ZNF587B: variants seen among roughly 807,000 people sequenced by gnomAD.
The protein encoded by ZNF587B is zinc finger protein 587B.
A neutral mutation model predicts 7.2 loss-of-function variants in ZNF587B; 6 were observed. That is an observed-to-expected ratio of 0.83 (90% CI 0.46 to 1.65). The LOEUF is 1.65. ZNF587B is among the 40% of genes most tolerant of loss of function. ZNF587B has a pLI of 0.01. For synonymous variants in ZNF587B, 274 were observed against 254.3 expected (o/e 1.08, Z -0.74); for missense variants, 749 against 761.0 (o/e 0.98, Z 0.19).
At chr19:57,838,939 G>A in intron 1 of ZNF587B, 84 bp from the exon 2 acceptor site, 2 of 1,478,476 alleles carry the variant, frequency 1.4e-6, no homozygotes, top group Non-Finnish European at 1.9e-6. Flanking sequence ...AGGAGGATGT[G>A]CGAGAGTAGA....
chr19:57,841,817 T>C lies in ZNF587B; in HGVS notation c.1143T>C (p.Pro381=). 6.2e-7 allele frequency: 1 copy of C among 1,612,080 alleles called. No homozygotes were observed. Among genetic ancestry groups the C allele is most frequent in the Non-Finnish European group, 8.5e-7 (1 of 1,179,326 alleles). ...AGCGCATTCACACTGAAGTAAGACCTTACAAGTGTGGAGAATGTGGGAAAT... is the reference window on the plus strand; with the variant it reads ...AGCGCATTCACACTGAAGTAAGACCCTACAAGTGTGGAGAATGTGGGAAAT... ...YHQRIHTEVR[P]YKCGECGKSY... The change falls in exon 3 of 3, where the codon CCT becomes CCC. Residue 381 remains proline (P), a synonymous_variant. Coordinates refer to ENST00000594901, the MANE Select transcript of ZNF587B (RefSeq NM_001376223.1).
chr19:57,842,291 T>G lies in ZNF587B; in HGVS notation c.1617T>G (p.Val539=). The part of the protein sequence containing the change: ...KSFTHSCAFI[V]HKRVHTGQKP... ...TTACCCACAGCTGTGCATTCATTGT[T>G]CATAAGAGAGTTCACACTGGTCAGA... is the stretch of plus-strand genomic sequence containing the variant. The change falls in exon 3 of 3, where the codon GTT becomes GTG. Residue 539 remains valine (V), a synonymous_variant. Transcript: ENST00000594901. 6.2e-7 allele frequency: 1 copy of G among 1,612,584 alleles called. No homozygotes were observed. The highest frequency in any genetic ancestry group is 8.5e-7 in the Non-Finnish European group (1 of 1,179,204).
chr19:57,842,499 A>G lies in ZNF587B; in HGVS notation c.1825A>G (p.Ser609Gly). ...CACTGGAGAAAAGCCTTATGGGTGT[A>G]GTGAATGTGAAAAAAAATTTAGGAA... ...VHTGEKPYGCSECEKKFRKSS... is the reference protein window; with the variant it reads ...VHTGEKPYGCGECEKKFRKSS... The change falls in exon 3 of 3, where the codon AGT becomes GGT. Residue 609 changes from serine (S) to glycine (G), a missense_variant. Transcript: ENST00000594901. The G allele has an allele frequency of 1.9e-6, 3 of 1,569,274 alleles. No individual in the cohort carries two copies. Among genetic ancestry groups the G allele is most frequent in the Non-Finnish European group, 2.6e-6 (3 of 1,164,802 alleles).
intron 1 of ZNF587B, 124 bp from the exon 2 acceptor site, chr19:57,838,899 C>T: frequency 3.7e-6 from 5 of 1,369,848 alleles, no homozygotes; most frequent in Non-Finnish European, 5.0e-6. Flanking sequence ...ACCAGTGGGC[C>T]TAGTTTCTCC....
chr19:57,842,549 G>T lies in ZNF587B; in HGVS notation c.1875G>T (p.Gln625His), dbSNP rs1426086154. Residue 625 changes from glutamine to histidine, a missense_variant, in exon 3 of 3, where the codon CAG becomes CAT. Coordinates refer to ENST00000594901, the MANE Select transcript of ZNF587B (RefSeq NM_001376223.1). ...AAAGCTCTTCACTTCGTTACCATCA[G>T]AGAGTTCATGAAAGAAAGGCCTTAT... is the stretch of plus-strand genomic sequence containing the variant. ...FRKSSSLRYH[Q>H]RVHERKAL is the part of the protein sequence containing the mutation. 1 of 1,532,914 alleles carries T rather than the reference G, an allele frequency of 6.5e-7. No individual in the cohort carries two copies. The highest frequency in any genetic ancestry group is 2.2e-5 in the Admixed American group (1 of 45,988). The allele number at this position is 1,532,914 out of a possible 1,614,324, so 95.0% of individuals were successfully genotyped here.
chr19:57,835,937 T>C (rs1245719155), intron 1 of ZNF587B, among the ~76,000 whole-genome samples: 1 of 151,554 alleles, frequency 6.6e-6, no homozygotes, highest in East Asian at 1.9e-4. Flanking sequence ...AGTAAATCTT[T>C]TAGGGAACCA....
chr19:57,838,584 A>G (rs1371636361), intron 1 of ZNF587B, among the ~76,000 whole-genome samples: 6 of 152,196 alleles, frequency 3.9e-5, no homozygotes, highest in Non-Finnish European at 7.3e-5. Flanking sequence ...CTGGCAGCAG[A>G]GGGAGACTCC....
Position 57,841,284 on chromosome 19 carries a change from G to A in ZNF587B, c.610G>A (p.Val204Met). Reference sequence around the variant, plus strand: ...GAAGTCAAACAGCAAAACTGAGTGTGTGTCTCCCTTTCAGTGTGGGGGAGC... The same window carrying A: ...GAAGTCAAACAGCAAAACTGAGTGTATGTCTCCCTTTCAGTGTGGGGGAGC... ...GEKSNSKTEC[V>M]SPFQCGGAHY... The change falls in exon 3 of 3, where the codon GTG becomes ATG. Residue 204 changes from valine (V) to methionine (M), a missense_variant. Val to Met is a conservative substitution (Grantham distance 21, BLOSUM62 1). This residue lies in a region of ZNF587B where 656 missense variants were observed against 596.5 expected (regional missense o/e 1.10). Coordinates refer to ENST00000594901, the MANE Select transcript of ZNF587B (RefSeq NM_001376223.1). The A allele has an allele frequency of 1.9e-6, 3 of 1,614,142 alleles. No individual in the cohort carries two copies. Among genetic ancestry groups the A allele is most frequent in the Non-Finnish European group, 2.5e-6 (3 of 1,180,020 alleles).
In ZNF587B at chr19:57,841,251, A is replaced by T. The variant is rs988965753; in HGVS notation, c.577A>T (p.Thr193Ser). 9 of 1,614,174 alleles carry T rather than the reference A, an allele frequency of 5.6e-6. No homozygotes were observed. Among genetic ancestry groups the T allele is most frequent in the Non-Finnish European group, 5.9e-6 (7 of 1,180,032 alleles). Reference sequence around the variant, plus strand: ...ATTACTCCAGCAGGAGGCCAGTCACACTGGGGAGAAGTCAAACAGCAAAAC... The same window carrying T: ...ATTACTCCAGCAGGAGGCCAGTCACTCTGGGGAGAAGTCAAACAGCAAAAC... The part of the protein sequence containing the change: ...SGLLQQEASH[T>S]GEKSNSKTEC... The change falls in exon 3 of 3, where the codon ACT becomes TCT. Residue 193 changes from threonine to serine, a missense_variant. By Grantham distance (58) the Thr-to-Ser change is moderately conservative (BLOSUM62 1). Around this residue, in one of 3 missense-constraint regions of ZNF587B, gnomAD observed 656 missense variants for 596.5 expected, o/e 1.10. Transcript: ENST00000594901.
chr19:57,841,735 A>G lies in ZNF587B; in HGVS notation c.1061A>G (p.Tyr354Cys). 1.2e-6 allele frequency: 2 copies of G among 1,608,570 alleles called. No individual in the cohort carries two copies. The highest frequency in any genetic ancestry group is 1.7e-6 in the Non-Finnish European group (2 of 1,177,640). Residue 354 changes from tyrosine (Y) to cysteine (C), a missense_variant, in exon 3 of 3, where the codon TAC becomes TGC. Physicochemically the swap from Tyr to Cys is radical, Grantham distance 194 (BLOSUM62 -2). Coordinates refer to ENST00000594901, the MANE Select transcript of ZNF587B (RefSeq NM_001376223.1). ...CGCATTCACACTGGAGAGAGACCTT[A>G]CAAGTGTGGAGAATGTGAGAAATCT... Reference protein sequence around the residue: ...HQRIHTGERPYKCGECEKSFS... With the variant: ...HQRIHTGERPCKCGECEKSFS...
chr19:57,830,412 G>C lies in ZNF587B; in HGVS notation c.-117G>C. ...CCTCTGCTGCACAGAGGCGACTCTG[G>C]AGCTCTGTGACGGCGCCAAGCGTGA... On this transcript the variant is annotated 5_prime_UTR_variant, in exon 1 of 3. Transcript: ENST00000594901. 3 of 1,117,764 alleles carry C rather than the reference G, an allele frequency of 2.7e-6. No homozygotes were observed. The highest frequency in any genetic ancestry group is 3.9e-6 in the Non-Finnish European group (3 of 772,658). The allele number at this position is 1,117,764 out of a possible 1,614,324, so 69.2% of individuals were successfully genotyped here.
In ZNF587B at chr19:57,842,194, G is replaced by A. The variant is rs779338852; in HGVS notation, c.1520G>A (p.Cys507Tyr). Residue 507 changes from cysteine (C) to tyrosine (Y), a missense_variant, in exon 3 of 3, where the codon TGC becomes TAC. Cys to Tyr is a radical substitution (Grantham distance 194, BLOSUM62 -2). Around this residue, in one of 3 missense-constraint regions of ZNF587B, gnomAD observed 656 missense variants for 596.5 expected, o/e 1.10. Transcript: ENST00000594901. The part of the protein sequence containing the change: ...EACQKFFRHK[C>Y]HLTAHQRVHT... ...TGTCAGAAATTTTTTAGGCACAAGT[G>A]CCACCTCACTGCACACCAGAGAGTT... is the stretch of plus-strand genomic sequence containing the variant. 2 of 1,612,996 alleles carry A rather than the reference G, an allele frequency of 1.2e-6. No individual in the cohort carries two copies. The highest frequency in any genetic ancestry group is 1.3e-5 in the African/African-American group (1 of 75,022).
At chr19:57,830,865 G>A (rs879062863) in intron 1 of ZNF587B, among the ~76,000 whole-genome samples, 3 of 152,108 alleles carry the variant, frequency 2.0e-5, no homozygotes, top group Non-Finnish European at 4.4e-5. Flanking sequence ...AGTTCTCGCG[G>A]CCCCAAAGAA....
chr19:57,837,853 G>C (rs1214390339), intron 1 of ZNF587B, among the ~76,000 whole-genome samples: 1 of 152,040 alleles, frequency 6.6e-6, no homozygotes, highest in African/African-American at 2.4e-5. Context: ...CTAAAGCACT[G>C]GTACTACAGG....
rs1167712767 is a variant in ZNF587B at position 57,830,581 on chromosome 19, C to G, written c.36+17C>G. The G allele has an allele frequency of 1.3e-6, 2 of 1,549,844 alleles. No individual in the cohort carries two copies. The highest frequency in any genetic ancestry group is 2.7e-5 in the African/African-American group (2 of 73,128). On this transcript the variant is annotated intron_variant, in intron 1 of 2. Transcript: ENST00000594901. Reference sequence around the variant, plus strand: ...TCTGCTCAGGTAATTGTGGTGCCTTCCATGCCCTCAGGTCACCTCATCATC... The same window carrying G: ...TCTGCTCAGGTAATTGTGGTGCCTTGCATGCCCTCAGGTCACCTCATCATC...
At position 57,844,986 on chromosome 19, in the gene ZNF587B, T is replaced by G. The variant is rs1314608466; in HGVS notation, c.*2410T>G. 6.6e-6 allele frequency: 1 copy of G among 152,150 alleles called. No individual in the cohort carries two copies. Among genetic ancestry groups the G allele is most frequent in the African/African-American group, 2.4e-5 (1 of 41,416 alleles). The allele number at this position is 152,150 out of a possible 1,614,324, so 9.4% of individuals were successfully genotyped here. A position where few individuals can be genotyped will look rare whatever the true frequency, so the allele number is the denominator to read the frequency against. On this transcript the variant is annotated 3_prime_UTR_variant, in exon 3 of 3. Coordinates refer to ENST00000594901, the MANE Select transcript of ZNF587B (RefSeq NM_001376223.1). ...TAAAGTTTTTGAAATATATCTTTTT[T>G]TTTTTTTTGAGACACAGTCTCACTC...
chr19:57,839,854 G>A (rs1988769336), intron 2 of ZNF587B, among the ~76,000 whole-genome samples: 1 of 152,072 alleles, frequency 6.6e-6, no homozygotes, highest in South Asian at 2.1e-4. Context: ...GCCCTGGCAG[G>A]TGGATCATAA....
rs560781842 is a variant in ZNF587B at position 57,841,609 on chromosome 19, A to G, written c.935A>G (p.Tyr312Cys). ...ECGKYFSLEG[Y>C]LRRHQKVHAG... The stretch of plus-strand genomic sequence containing the variant: ...GGGAAATATTTTAGCTTAGAAGGAT[A>G]TCTTAGGCGCCATCAAAAAGTTCAC... Residue 312 changes from tyrosine to cysteine, a missense_variant, in exon 3 of 3, where the codon TAT becomes TGT. By Grantham distance (194) the Tyr-to-Cys change is radical. This residue lies in a region of ZNF587B where 656 missense variants were observed against 596.5 expected (regional missense o/e 1.10). Transcript: ENST00000594901. 6 of 1,583,080 alleles carry G rather than the reference A, an allele frequency of 3.8e-6. No individual in the cohort carries two copies. The highest frequency in any genetic ancestry group is 3.7e-5 in the Admixed American group (2 of 54,062).
chr19:57,837,866 C>T (rs1217772262), intron 1 of ZNF587B, among the ~76,000 whole-genome samples: 11 of 152,032 alleles, frequency 7.2e-5, no homozygotes, highest in African/African-American at 1.2e-4. Context: ...ACTACAGGTG[C>T]GAGCCACCAC....
Sources: allele counts gnomAD v4.1 joint callset (sites outside exome capture counted in the v4.1 genomes callset), GRCh38; gene constraint gnomAD v4.1.1; regional missense constraint gnomAD v4.1.1; transcripts MANE v1.5; gene names NCBI Gene and HGNC (gene_info 2026-07-23, HGNC 2026-07-21).